MCUB: variants seen among roughly 807,000 people sequenced by gnomAD.
MCUB encodes mitochondrial calcium uniporter dominant negative subunit beta.
In MCUB, 46 loss-of-function variants were observed where a neutral mutation model predicts 41.4. That is an observed-to-expected ratio of 1.11 (90% CI 0.88 to 1.42). The LOEUF (loss-of-function observed/expected upper bound fraction) is 1.42, where lower values mean the gene tolerates loss of function less well. MCUB is among the 40% of genes most tolerant of loss of function. The pLI is 0.00. For missense variants in MCUB, 403 were observed against 404.9 expected (o/e 1.00, Z 0.04); for synonymous variants, 148 against 148.2 (o/e 1.00, Z 0.01).
chr4:109,666,573 A>G (rs1729350701), intron 4 of MCUB, among the ~76,000 whole-genome samples: 1 of 152,048 alleles, frequency 6.6e-6, no homozygotes, highest in Non-Finnish European at 1.5e-5. Context: ...TCATACGCCT[A>G]TTTGCCATCT....
At chr4:109,628,903 A>G (rs73838838) in intron 1 of MCUB, among the ~76,000 whole-genome samples, 2,033 of 152,274 alleles carry the variant, frequency 0.013, 56 homozygotes, top group African/African-American at 0.046. Context: ...GGTTAGAATT[A>G]TAGACTGGAG....
At chr4:109,655,123 A>C (rs1729060958) in intron 1 of MCUB, among the ~76,000 whole-genome samples, 1 of 152,228 alleles carries the variant, frequency 6.6e-6, no homozygotes, top group Admixed American at 6.5e-5. Flanking sequence ...CACTTTACTT[A>C]TGTTTACTGG....
chr4:109,687,257 G>C (rs1729866434), intron 7 of MCUB, among the ~76,000 whole-genome samples: 1 of 151,998 alleles, frequency 6.6e-6, no homozygotes, highest in African/African-American at 2.4e-5. Flanking sequence ...TACTTGGGAG[G>C]CTGAGGCAGG....
At chr4:109,657,508 A>G (rs1729131587) in intron 1 of MCUB, among the ~76,000 whole-genome samples, 1 of 152,222 alleles carries the variant, frequency 6.6e-6, no homozygotes, top group Non-Finnish European at 1.5e-5. Flanking sequence ...TTATAAAAGA[A>G]TTATTCTTTG....
intron 7 of MCUB, among the ~76,000 whole-genome samples, 186 bp from the exon 8 acceptor site, chr4:109,687,329 T>G (rs556483911): frequency 6.6e-6 from 1 of 152,204 alleles, no homozygotes; most frequent in Non-Finnish European, 1.5e-5. Context: ...ACTGCACTCC[T>G]GCCTGGGTGA....
At chr4:109,676,934 C>T (rs1416497664) in intron 4 of MCUB, among the ~76,000 whole-genome samples, 1 of 152,258 alleles carries the variant, frequency 6.6e-6, no homozygotes, top group South Asian at 2.1e-4. Context: ...CACAGCTGCC[C>T]CTTGAGAATC....
At chr4:109,608,485 G>GGTTTT (rs74396309) in intron 1 of MCUB, among the ~76,000 whole-genome samples, 33,465 of 150,964 alleles carry the variant, frequency 0.22, 4,506 homozygotes, top group South Asian at 0.34. Context: ...TGAAAAGTTA[G>GGTTTT]GTTTTGTTTT....
At chr4:109,569,721 T>C (rs1028236691) in intron 1 of MCUB, among the ~76,000 whole-genome samples, 7 of 152,036 alleles carry the variant, frequency 4.6e-5, no homozygotes, top group Non-Finnish European at 8.8e-5. Flanking sequence ...CAGGCTGGTC[T>C]CGAACCCCTG....
intron 1 of MCUB, among the ~76,000 whole-genome samples, chr4:109,594,315 G>A (rs149800): frequency 0.22 from 34,013 of 152,158 alleles, 4,630 homozygotes; most frequent in South Asian, 0.34. Context: ...GTGGGGTCCA[G>A]TTTGCATATG....
In MCUB at chr4:109,647,795, C is replaced by A. The variant is rs60632814; in HGVS notation, c.100-11216C>A. Among the ~76,000 whole-genome samples, 1,105 of 152,182 alleles carry A rather than the reference C, an allele frequency of 7.3e-3. 12 individuals carry two copies. Among genetic ancestry groups the A allele is most frequent in the African/African-American group, 0.025 (1,054 of 41,502 alleles). ...GGAGCCCCCACCCTTTTAAATGTGC[C>A]GCTGAACCACCACCTTATGGTAAAA... is the stretch of plus-strand genomic sequence containing the variant. On this transcript the variant is annotated intron_variant, in intron 1 of 7. Coordinates refer to ENST00000394650, the MANE Select transcript of MCUB (RefSeq NM_017918.5).
intron 1 of MCUB, among the ~76,000 whole-genome samples, chr4:109,642,110 C>A (rs1156998236): frequency 7.9e-5 from 12 of 152,056 alleles, no homozygotes; most frequent in East Asian, 1.9e-4. Flanking sequence ...GTTTTTGGAT[C>A]CTGAAACATA....
At position 109,629,467 on chromosome 4, in the gene MCUB, C is replaced by T. The variant is rs149085540; in HGVS notation, c.100-29544C>T. ...CAATCAGTTAATTCTGCAATGGATA[C>T]CAGCTGGGTATCCTCTAATTCAATT... On this transcript the variant is annotated intron_variant, in intron 1 of 7. Coordinates refer to ENST00000394650, the MANE Select transcript of MCUB (RefSeq NM_017918.5). Among the ~76,000 whole-genome samples, 1,428 of 152,258 alleles carry T rather than the reference C, an allele frequency of 9.4e-3. 14 individuals carry two copies. The highest frequency in any genetic ancestry group is 0.024 in the Middle Eastern group (7 of 292).
intron 1 of MCUB, among the ~76,000 whole-genome samples, chr4:109,622,096 G>A (rs1728261310): frequency 6.6e-6 from 1 of 152,220 alleles, no homozygotes; most frequent in Non-Finnish European, 1.5e-5. Context: ...TGGCCAGGCT[G>A]GTCTCCAACT....
At chr4:109,641,011 A>T (rs1728701013) in intron 1 of MCUB, among the ~76,000 whole-genome samples, 1 of 152,164 alleles carries the variant, frequency 6.6e-6, no homozygotes, top group African/African-American at 2.4e-5. Flanking sequence ...TAGTCTTATT[A>T]GTTGGCCTAA....
At chr4:109,603,352 C>A (rs148115400) in intron 1 of MCUB, among the ~76,000 whole-genome samples, 3 of 152,228 alleles carry the variant, frequency 2.0e-5, no homozygotes, top group Admixed American at 2.0e-4. Context: ...CTGCCTCGGC[C>A]TCCCGAGGTG....
chr4:109,583,590 C>T (rs1267654681), intron 1 of MCUB, among the ~76,000 whole-genome samples: 6 of 152,164 alleles, frequency 3.9e-5, no homozygotes, highest in African/African-American at 1.4e-4. Context: ...TCAGAACTTC[C>T]AACACTGTGT....
At chr4:109,633,434 A>AT (rs34946821) in intron 1 of MCUB, among the ~76,000 whole-genome samples, 7 of 151,238 alleles carry the variant, frequency 4.6e-5, no homozygotes, top group Non-Finnish European at 7.4e-5. Context: ...CGCCCAGCTA[A>AT]TTTTTTTTGT....
chr4:109,597,355 CG>C lies in MCUB; in HGVS notation c.99+36925del, dbSNP rs1359793051. The stretch of plus-strand genomic sequence containing the variant: ...CTCCCAGACGGGGCGGCTGGCCGGG[CG>C]GGGGGCTGACCCCCCCACCTCCCTC... On this transcript the variant is annotated intron_variant, in intron 1 of 7. Transcript: ENST00000394650. 6.3e-5 allele frequency among the ~76,000 whole-genome samples: 9 copies of C among 142,556 alleles called. No individual in the cohort carries two copies. In the South Asian group the frequency reaches 9.1e-4, roughly 14 times the overall value. The allele number at this position is 142,556 out of a possible 152,430, so 93.5% of individuals were successfully genotyped here. A position where few individuals can be genotyped will look rare whatever the true frequency, so the allele number is the denominator to read the frequency against.
intron 1 of MCUB, among the ~76,000 whole-genome samples, chr4:109,632,204 T>C (rs181173846): frequency 6.6e-6 from 1 of 152,288 alleles, no homozygotes; most frequent in Admixed American, 6.5e-5. Flanking sequence ...ATATTTTAGG[T>C]TTTCTGACCA....
Sources: allele counts gnomAD v4.1 joint callset (sites outside exome capture counted in the v4.1 genomes callset), GRCh38; gene constraint gnomAD v4.1.1; transcripts MANE v1.5; gene names NCBI Gene and HGNC (gene_info 2026-07-23, HGNC 2026-07-21).